Variants in CTNND2 observed in about 807,000 individuals in gnomAD.
CTNND2 encodes the protein catenin delta 2.
In CTNND2, 22 loss-of-function variants were observed where a neutral mutation model predicts 144.4. The ratio of observed to expected loss-of-function variants is 0.15; its 90% CI spans 0.11 to 0.22. The LOEUF is 0.22. CTNND2 is among the 10% of genes least tolerant of loss of function. The pLI, the probability that CTNND2 is intolerant of heterozygous loss-of-function variation, is 1.00. For synonymous variants in CTNND2, 751 were observed against 695.6 expected, an observed-to-expected ratio of 1.08 and a Z score of -1.25; for missense variants, 1,353 against 1,618.8, an observed-to-expected ratio of 0.84 and a Z score of 2.82.
At chr5:11,545,731 C>A (rs1362087011) in intron 3 of CTNND2, among the ~76,000 whole-genome samples, 3 of 149,018 alleles carry the variant, frequency 2.0e-5, no homozygotes, top group Admixed American at 6.7e-5. Context: ...ATAAAGTGAC[C>A]AAGCAATTCT....
intron 9 of CTNND2, among the ~76,000 whole-genome samples, chr5:11,286,919 T>C (rs145912326): frequency 7.2e-5 from 11 of 152,204 alleles, no homozygotes; most frequent in African/African-American, 1.9e-4. Flanking sequence ...ATGGAAACCA[T>C]GTAAGCATCC....
chr5:11,149,805 G>C (rs141816977), intron 12 of CTNND2, among the ~76,000 whole-genome samples: 3 of 152,260 alleles, frequency 2.0e-5, no homozygotes, highest in African/African-American at 7.2e-5. Flanking sequence ...ACTAAATATT[G>C]CTTCTTCGGT....
At position 11,346,356 on chromosome 5, in the gene CTNND2, A is replaced by G; in HGVS notation, c.1628+16T>C. On this transcript the variant is annotated intron_variant, in intron 9 of 21. Coordinates refer to ENST00000304623, the MANE Select transcript of CTNND2 (RefSeq NM_001332.4). ...CTCTTTAGACATCATAGGGAAAGAA[A>G]AAGGTTTTTACCCACCTGGGATCTT... The G allele has an allele frequency of 7.0e-7, 1 of 1,418,442 alleles. No individual in the cohort carries two copies. The highest frequency in any genetic ancestry group is 9.3e-7 in the Non-Finnish European group (1 of 1,080,118). The allele number at this position is 1,418,442 out of a possible 1,614,324, so 87.9% of individuals were successfully genotyped here. A position where few individuals can be genotyped will look rare whatever the true frequency, so the allele number is the denominator to read the frequency against.
At chr5:11,223,274 T>C (rs1417306382) in intron 10 of CTNND2, among the ~76,000 whole-genome samples, 2 of 152,204 alleles carry the variant, frequency 1.3e-5, no homozygotes, top group Non-Finnish European at 2.9e-5. Context: ...AAGGGACCTT[T>C]AAGCATAAAG....
At chr5:11,806,135 T>C (rs933601453) in intron 1 of CTNND2, among the ~76,000 whole-genome samples, 1 of 152,090 alleles carries the variant, frequency 6.6e-6, no homozygotes, top group Non-Finnish European at 1.5e-5. Flanking sequence ...AGCTAAAACC[T>C]AGGAAAGTTG....
chr5:11,633,701 GA>G (rs1781527524), intron 2 of CTNND2, among the ~76,000 whole-genome samples: 1 of 151,222 alleles, frequency 6.6e-6, no homozygotes, highest in African/African-American at 2.4e-5. Context: ...TCTTGAACCT[GA>G]GAGGCAGAGT....
intron 3 of CTNND2, among the ~76,000 whole-genome samples, chr5:11,477,273 T>TG (rs1767836134): frequency 6.6e-6 from 1 of 152,206 alleles, no homozygotes; most frequent in Admixed American, 6.5e-5. Flanking sequence ...TTTTTTGTTT[T>TG]GTTTTTGTTT....
intron 1 of CTNND2, among the ~76,000 whole-genome samples, chr5:11,744,715 G>A (rs1402859031): frequency 6.7e-6 from 1 of 149,672 alleles, no homozygotes; most frequent in Admixed American, 6.7e-5. Flanking sequence ...GTGTGTGCAC[G>A]TGTGTGTGTG....
At chr5:11,527,174 TTAA>T (rs1773328382) in intron 3 of CTNND2, among the ~76,000 whole-genome samples, 3 of 152,148 alleles carry the variant, frequency 2.0e-5, no homozygotes, top group Admixed American at 6.5e-5. Flanking sequence ...GTAAATATAC[TTAA>T]TAACACTGAA....
chr5:11,361,459 G>A (rs537802462), intron 8 of CTNND2, among the ~76,000 whole-genome samples: 40 of 152,312 alleles, frequency 2.6e-4, no homozygotes, highest in African/African-American at 8.9e-4. Flanking sequence ...GCCAGCCTGT[G>A]TGAAGGTTTA....
chr5:11,601,039 A>G (rs984608778), intron 2 of CTNND2, among the ~76,000 whole-genome samples: 4 of 152,152 alleles, frequency 2.6e-5, no homozygotes, highest in African/African-American at 7.2e-5. Flanking sequence ...TTTTTTATAC[A>G]TGATACTCTA....
intron 7 of CTNND2, among the ~76,000 whole-genome samples, chr5:11,371,956 C>G (rs975592636): frequency 1.5e-4 from 22 of 151,674 alleles, no homozygotes; most frequent in African/African-American, 4.8e-4. Context: ...AAAAAAATGC[C>G]CTCCTATTTC....
At chr5:11,668,280 G>A (rs1783683286) in intron 2 of CTNND2, among the ~76,000 whole-genome samples, 1 of 152,162 alleles carries the variant, frequency 6.6e-6, no homozygotes, top group Admixed American at 6.5e-5. Flanking sequence ...ATTTAAAGAA[G>A]TTTTTTCCAA....
At chr5:11,032,517 T>A (rs1372387063) in intron 16 of CTNND2, among the ~76,000 whole-genome samples, 3 of 152,190 alleles carry the variant, frequency 2.0e-5, no homozygotes, top group Non-Finnish European at 2.9e-5. Context: ...TGGTGAAGCA[T>A]TCAAAATGGT....
At chr5:11,650,074 T>C (rs1782567474) in intron 2 of CTNND2, among the ~76,000 whole-genome samples, 1 of 152,174 alleles carries the variant, frequency 6.6e-6, no homozygotes, top group African/African-American at 2.4e-5. Flanking sequence ...CCCACCCAAA[T>C]CTCTTGTTGA....
intron 9 of CTNND2, among the ~76,000 whole-genome samples, chr5:11,312,012 C>T (rs973976365): frequency 6.6e-6 from 1 of 150,796 alleles, no homozygotes; most frequent in African/African-American, 2.4e-5. Flanking sequence ...CACACACACT[C>T]ACCATACACC....
intron 12 of CTNND2, among the ~76,000 whole-genome samples, chr5:11,129,721 G>C (rs1755372912): frequency 6.6e-6 from 1 of 152,052 alleles, no homozygotes; most frequent in South Asian, 2.1e-4. Context: ...TAGGACATGA[G>C]TACACTGGAT....
chr5:11,451,310 T>G (rs1765295214), intron 3 of CTNND2, among the ~76,000 whole-genome samples: 1 of 152,124 alleles, frequency 6.6e-6, no homozygotes, highest in Non-Finnish European at 1.5e-5. Flanking sequence ...TACCCCAACA[T>G]TACCCTATTG....
At chr5:11,712,085 TAAATGTCCCCA>T (rs1786065116) in intron 2 of CTNND2, among the ~76,000 whole-genome samples, 1 of 152,190 alleles carries the variant, frequency 6.6e-6, no homozygotes, top group African/African-American at 2.4e-5. Context: ...GAGTGAGAAC[TAAATGTCCCCA>T]GCCAGCTCCA....
Sources: allele counts gnomAD v4.1 joint callset (sites outside exome capture counted in the v4.1 genomes callset), GRCh38; gene constraint gnomAD v4.1.1; transcripts MANE v1.5; gene names NCBI Gene and HGNC (gene_info 2026-07-23, HGNC 2026-07-21).